The following CACNB2 variants were observed in gnomAD, a reference collection of about 807,000 sequenced individuals.
CACNB2 encodes the protein voltage-dependent L-type calcium channel subunit beta-2.
A neutral mutation model predicts 73.3 loss-of-function variants in CACNB2; 42 were observed. The ratio of observed to expected loss-of-function variants is 0.57; its 90% CI spans 0.45 to 0.74. The LOEUF (loss-of-function observed/expected upper bound fraction) is 0.74. Ranked by LOEUF, CACNB2 falls within the 30% of genes least tolerant of loss-of-function variation. The probability of loss-of-function intolerance (pLI) is 0.00; values close to 1 mark genes in which losing one functional copy is unlikely to be tolerated. For synonymous variants in CACNB2, 348 were observed against 310.3 expected, an observed-to-expected ratio of 1.12 and a Z score of -1.28; for missense variants, 940 against 853.0, an observed-to-expected ratio of 1.10 and a Z score of -1.27.
intron 2 of CACNB2, chr10:18,400,966 C>T (rs972013146): frequency 1.2e-6 from 2 of 1,611,644 alleles, no homozygotes; most frequent in Non-Finnish European, 1.7e-6. Flanking sequence ...TTCTCCGGGG[C>T]TCAGCGCGCA....
chr10:18,401,901 A>T (rs756391964), intron 2 of CACNB2, 23 bp from the exon 3 acceptor site: 5 of 1,613,036 alleles, frequency 3.1e-6, no homozygotes, highest in Non-Finnish European at 4.2e-6. Flanking sequence ...AATCTACTTT[A>T]AAATGTACAT....
chr10:18,404,525 T>G (rs1463395939), intron 3 of CACNB2, among the ~76,000 whole-genome samples: 1 of 152,224 alleles, frequency 6.6e-6, no homozygotes, highest in Non-Finnish European at 1.5e-5. Context: ...GCACAGCCAT[T>G]TTGGAAGAAT....
intron 2 of CACNB2, among the ~76,000 whole-genome samples, chr10:18,299,127 GA>G (rs979657740): frequency 9.0e-5 from 13 of 145,098 alleles, no homozygotes; most frequent in African/African-American, 2.0e-4. Context: ...AATAAAAAAA[GA>G]AAAAAAAAGT....
chr10:18,503,668 T>C (rs916698318), intron 5 of CACNB2, among the ~76,000 whole-genome samples: 8 of 152,158 alleles, frequency 5.3e-5, no homozygotes, highest in African/African-American at 1.9e-4. Context: ...GTCAACTAGG[T>C]AGTATATCGT....
intron 2 of CACNB2, among the ~76,000 whole-genome samples, chr10:18,331,667 G>C (rs888822970): frequency 2.0e-5 from 3 of 152,072 alleles, no homozygotes; most frequent in African/African-American, 7.2e-5. Context: ...CTCCCTCTAG[G>C]TGATGAGTTG....
chr10:18,295,411 A>C (rs1340629550), intron 2 of CACNB2, among the ~76,000 whole-genome samples: 2 of 152,186 alleles, frequency 1.3e-5, no homozygotes, highest in Admixed American at 6.5e-5. Context: ...TTGCCTTGGC[A>C]ATACAAAAAT....
chr10:18,161,201 C>T (rs1285491170), intron 2 of CACNB2, among the ~76,000 whole-genome samples: 1 of 152,202 alleles, frequency 6.6e-6, no homozygotes, highest in African/African-American at 2.4e-5. Flanking sequence ...TCCCTGTCCC[C>T]TGCCATTGCC....
chr10:18,176,407 T>C (rs1007263458), intron 2 of CACNB2, among the ~76,000 whole-genome samples: 2 of 152,100 alleles, frequency 1.3e-5, no homozygotes. Context: ...GAGAAAGTGC[T>C]CTAGGAGTTT....
chr10:18,306,419 G>A (rs1236914117), intron 2 of CACNB2, among the ~76,000 whole-genome samples: 2 of 152,080 alleles, frequency 1.3e-5, no homozygotes, highest in African/African-American at 4.8e-5. Flanking sequence ...ATATGTAAAG[G>A]GTTTCCTGTG....
intron 2 of CACNB2, among the ~76,000 whole-genome samples, chr10:18,187,769 AGT>A (rs1198022656): frequency 6.6e-6 from 1 of 152,184 alleles, no homozygotes; most frequent in Non-Finnish European, 1.5e-5. Flanking sequence ...ATCTTTTAAG[AGT>A]GTTTTCGATA....
chr10:18,168,805 GTAT>G (rs1215181527), intron 2 of CACNB2, among the ~76,000 whole-genome samples: 2 of 152,144 alleles, frequency 1.3e-5, no homozygotes, highest in Non-Finnish European at 2.9e-5. Flanking sequence ...AAAAGCAAAT[GTAT>G]TATTTTCCCA....
At chr10:18,199,525 A>G (rs1328552666) in intron 2 of CACNB2, among the ~76,000 whole-genome samples, 4 of 152,116 alleles carry the variant, frequency 2.6e-5, no homozygotes, top group Non-Finnish European at 5.9e-5. Context: ...TAGGCTTGAG[A>G]GAGAGCCAGA....
Position 18,451,058 on chromosome 10 carries a change from A to G in CACNB2, c.334-47297A>G, listed in dbSNP as rs2046999475. On this transcript the variant is annotated intron_variant, in intron 3 of 13. Transcript: ENST00000324631. Reference sequence around the variant, plus strand: ...ACTGGGAAATTTTATCATCTTACCTATACATGCGATAAAAATCTATTAAAG... The same window carrying G: ...ACTGGGAAATTTTATCATCTTACCTGTACATGCGATAAAAATCTATTAAAG... Among the ~76,000 whole-genome samples the G allele has an allele frequency of 2.0e-5, 3 of 152,202 alleles. No individual in the cohort carries two copies. In the South Asian group the frequency reaches 6.2e-4, roughly 31 times the overall value.
intron 2 of CACNB2, among the ~76,000 whole-genome samples, chr10:18,333,634 A>G (rs762576719): frequency 7.2e-5 from 11 of 152,234 alleles, no homozygotes; most frequent in Non-Finnish European, 1.5e-4. Context: ...GTACACACAC[A>G]CTAGAGTTTT....
At chr10:18,439,991 C>T (rs1176133936) in intron 3 of CACNB2, among the ~76,000 whole-genome samples, 1 of 152,186 alleles carries the variant, frequency 6.6e-6, no homozygotes, top group East Asian at 1.9e-4. Flanking sequence ...ATAATATTTT[C>T]ACCTGAGTGA....
At chr10:18,170,280 G>C (rs566411902) in intron 2 of CACNB2, among the ~76,000 whole-genome samples, 36 of 152,256 alleles carry the variant, frequency 2.4e-4, no homozygotes, top group African/African-American at 8.2e-4. Context: ...AAAGAACTGA[G>C]GTCCACTTTA....
At chr10:18,514,164 C>A in intron 6 of CACNB2, 72 bp from the exon 7 acceptor site, 1 of 1,528,170 alleles carries the variant, frequency 6.5e-7, no homozygotes, top group Non-Finnish European at 9.1e-7. Context: ...GTTTTATTTG[C>A]TTTCATTTTA....
intron 3 of CACNB2, among the ~76,000 whole-genome samples, chr10:18,429,971 C>T (rs1240052343): frequency 1.3e-5 from 2 of 151,888 alleles, no homozygotes; most frequent in African/African-American, 4.8e-5. Context: ...ACAGAAAGAC[C>T]CTGTCTCAAA....
At chr10:18,156,798 G>A (rs2032073231) in intron 2 of CACNB2, among the ~76,000 whole-genome samples, 1 of 151,922 alleles carries the variant, frequency 6.6e-6, no homozygotes, top group Non-Finnish European at 1.5e-5. Context: ...GGAGGCTGAA[G>A]CAGGAGGGTC....
Sources: allele counts gnomAD v4.1 joint callset (sites outside exome capture counted in the v4.1 genomes callset), GRCh38; gene constraint gnomAD v4.1.1; transcripts MANE v1.5; gene names NCBI Gene and HGNC (gene_info 2026-07-23, HGNC 2026-07-21).